Variants in GPC6 observed in about 807,000 individuals in gnomAD.
GPC6 encodes glypican-6.
A neutral mutation model predicts 55.2 loss-of-function variants in GPC6; 14 were observed. The ratio of observed to expected loss-of-function variants is 0.25; its 90% CI spans 0.17 to 0.40. The LOEUF (loss-of-function observed/expected upper bound fraction) is 0.40, where lower values mean the gene tolerates loss of function less well. GPC6 is among the 10% of genes least tolerant of loss of function. GPC6 has a pLI of 1.00. For synonymous variants in GPC6, 278 were observed against 259.6 expected, an observed-to-expected ratio of 1.07 and a Z score of -0.68; for missense variants, 641 against 708.5, an observed-to-expected ratio of 0.90 and a Z score of 1.08.
intron 2 of GPC6, among the ~76,000 whole-genome samples, chr13:93,706,723 A>G (rs1262598681): frequency 6.6e-6 from 1 of 151,888 alleles, no homozygotes; most frequent in African/African-American, 2.4e-5. Flanking sequence ...CATCCATTCA[A>G]TAGTTTAATA....
Position 94,086,735 on chromosome 13 carries a change from T to C in GPC6, c.877+58841T>C, listed in dbSNP as rs775223460. On this transcript the variant is annotated intron_variant, in intron 4 of 8. Transcript: ENST00000377047. ...TCAGATAACTGTATTTTAACACTGA[T>C]TGTATAAAATGTAAAAACACCACTA... 1.2e-4 allele frequency among the ~76,000 whole-genome samples: 19 copies of C among 152,168 alleles called. 1 individual carries two copies. Among genetic ancestry groups the C allele is most frequent in the Non-Finnish European group, 2.2e-4 (15 of 68,046 alleles).
intron 2 of GPC6, among the ~76,000 whole-genome samples, chr13:93,596,530 A>C (rs1223934341): frequency 6.6e-6 from 1 of 151,324 alleles, no homozygotes; most frequent in Non-Finnish European, 1.5e-5. Flanking sequence ...GTTGATTCTT[A>C]TACTTTGAAG....
Position 93,380,552 on chromosome 13 carries a change from T to C in GPC6, c.160+152936T>C, listed in dbSNP as rs1006348947. On this transcript the variant is annotated intron_variant, in intron 1 of 8. Transcript: ENST00000377047. ...CTTTTTAACTTGTAGGATAATCTTG[T>C]TGAATGTTTAGAAAGAGCATTTTGA... Among the ~76,000 whole-genome samples, 3 of 152,158 alleles carry C rather than the reference T, an allele frequency of 2.0e-5. No individual in the cohort carries two copies. In the East Asian group the frequency reaches 5.8e-4, roughly 29 times the overall value.
chr13:93,555,016 G>A (rs1260710926), intron 2 of GPC6, among the ~76,000 whole-genome samples: 1 of 152,160 alleles, frequency 6.6e-6, no homozygotes, highest in East Asian at 1.9e-4. Flanking sequence ...ACTTGAACAT[G>A]AAAAGCAAAC....
chr13:93,354,314 A>C (rs1446738117), intron 1 of GPC6, among the ~76,000 whole-genome samples: 1 of 151,338 alleles, frequency 6.6e-6, no homozygotes, highest in Admixed American at 6.6e-5. Context: ...ATAATTTAAA[A>C]GACAAGTCAC....
intron 2 of GPC6, among the ~76,000 whole-genome samples, chr13:93,564,336 A>G (rs1316702880): frequency 6.6e-6 from 1 of 152,172 alleles, no homozygotes; most frequent in African/African-American, 2.4e-5. Flanking sequence ...TGAAGGAGTC[A>G]TATATATAGG....
intron 3 of GPC6, among the ~76,000 whole-genome samples, chr13:93,891,386 GA>G (rs1875672744): frequency 6.6e-6 from 1 of 152,018 alleles, no homozygotes; most frequent in African/African-American, 2.4e-5. Context: ...TGAACCTCAG[GA>G]GAAATTACCT....
intron 3 of GPC6, among the ~76,000 whole-genome samples, chr13:93,899,394 A>C (rs1239053080): frequency 6.6e-6 from 1 of 152,038 alleles, no homozygotes; most frequent in East Asian, 1.9e-4. Context: ...AACCAGAGTG[A>C]AACTTAAGCA....
At chr13:93,225,086 A>C (rs900035272), upstream of GPC6, among the ~76,000 whole-genome samples, 3 of 152,120 alleles carry the variant, frequency 2.0e-5, no homozygotes, top group African/African-American at 7.2e-5. Context: ...TTCTTCCTTT[A>C]CCTCCATTTA....
intron 2 of GPC6, among the ~76,000 whole-genome samples, chr13:93,801,425 C>T (rs541916815): frequency 2.0e-5 from 3 of 152,128 alleles, no homozygotes; most frequent in African/African-American, 7.2e-5. Flanking sequence ...TTCCTCAGTG[C>T]TTTTCAATGT....
chr13:93,332,892 A>G (rs1879903187), intron 1 of GPC6, among the ~76,000 whole-genome samples: 1 of 152,120 alleles, frequency 6.6e-6, no homozygotes. Context: ...TCAGTGAGAG[A>G]CATGGGGGTT....
chr13:94,084,849 G>A (rs2138802379), intron 4 of GPC6, among the ~76,000 whole-genome samples: 1 of 152,262 alleles, frequency 6.6e-6, no homozygotes, highest in Non-Finnish European at 1.5e-5. Flanking sequence ...CAATCTTGAA[G>A]GATAGGTAAC....
At chr13:93,264,732 A>G (rs61965664) in intron 1 of GPC6, among the ~76,000 whole-genome samples, 25,741 of 152,142 alleles carry the variant, frequency 0.17, 2,298 homozygotes, top group Middle Eastern at 0.23. Flanking sequence ...TACATTACTT[A>G]TAATACCTAA....
intron 4 of GPC6, among the ~76,000 whole-genome samples, chr13:94,132,625 G>T (rs1593967874): frequency 6.6e-6 from 1 of 152,206 alleles, no homozygotes; most frequent in Middle Eastern, 3.4e-3. Flanking sequence ...GTCTTTAATA[G>T]TTGCCCTCAC....
chr13:93,333,588 G>A lies in GPC6; in HGVS notation c.160+105972G>A, dbSNP rs60366140. Reference sequence around the variant, plus strand: ...TACTCTCTTGCCCAGGCTGGAGTGCGTTGGTACAATCTCAGCTCACTGCCA... The same window carrying A: ...TACTCTCTTGCCCAGGCTGGAGTGCATTGGTACAATCTCAGCTCACTGCCA... On this transcript the variant is annotated intron_variant, in intron 1 of 8. Transcript: ENST00000377047. Among the ~76,000 whole-genome samples the A allele has an allele frequency of 9.5e-3, 1,392 of 147,226 alleles. 121 individuals are homozygous for A. In the East Asian group the frequency reaches 0.22, roughly 23 times the overall value.
chr13:93,698,871 T>C (rs530248278), intron 2 of GPC6, among the ~76,000 whole-genome samples: 22 of 152,130 alleles, frequency 1.4e-4, no homozygotes, highest in Admixed American at 3.9e-4. Context: ...CGTGATTATA[T>C]ATCTTGACTT....
intron 6 of GPC6, among the ~76,000 whole-genome samples, chr13:94,325,439 CTGT>C (rs999279260): frequency 6.6e-6 from 1 of 152,184 alleles, no homozygotes; most frequent in Non-Finnish European, 1.5e-5. Context: ...CATTAAATCA[CTGT>C]TATATTCTCA....
the GPC6 span, among the ~76,000 whole-genome samples, chr13:93,217,094 T>C: frequency 6.6e-6 from 1 of 152,234 alleles, no homozygotes; most frequent in East Asian, 1.9e-4. Context: ...AGACTTCTAA[T>C]GAATATTTCA....
At chr13:93,774,085 G>C (rs1885385601) in intron 2 of GPC6, among the ~76,000 whole-genome samples, 1 of 152,174 alleles carries the variant, frequency 6.6e-6, no homozygotes, top group Non-Finnish European at 1.5e-5. Flanking sequence ...ATGACATGGG[G>C]CATGCCAGTT....
Sources: gnomAD v4.1 joint callset for allele counts (sites outside exome capture counted in the v4.1 genomes callset) on GRCh38, gnomAD v4.1.1 for gene constraint, MANE v1.5 for transcripts, NCBI Gene and HGNC (gene_info 2026-07-23, HGNC 2026-07-21) for gene names.